DPP10: variants seen among roughly 807,000 people sequenced by gnomAD.
DPP10 encodes the protein inactive dipeptidyl peptidase 10.
A neutral mutation model predicts 120.9 loss-of-function variants in DPP10; 33 were observed. The observed-to-expected ratio is 0.27, with a 90% CI of 0.21 to 0.37. DPP10 has a LOEUF of 0.37. DPP10 is among the 10% of genes least tolerant of loss of function. The probability of loss-of-function intolerance (pLI) is 1.00; values close to 1 mark genes in which losing one functional copy is unlikely to be tolerated. For missense variants in DPP10, 816 were observed against 942.8 expected, an observed-to-expected ratio of 0.87 and a Z score of 1.76; for synonymous variants, 337 against 326.1, an observed-to-expected ratio of 1.03 and a Z score of -0.36.
intron 1 of DPP10, among the ~76,000 whole-genome samples, chr2:114,839,088 T>C (rs2106440508): frequency 6.6e-6 from 1 of 152,342 alleles, no homozygotes; most frequent in East Asian, 1.9e-4. Context: ...ATCAGCCTCA[T>C]AATTAACAGA....
At chr2:114,446,117 T>C (rs552296914) in intron 1 of DPP10, among the ~76,000 whole-genome samples, 11 of 152,330 alleles carry the variant, frequency 7.2e-5, no homozygotes, top group African/African-American at 2.6e-4. Context: ...ATTATAAACG[T>C]GATTTCTGAA....
rs376005319 is a variant in DPP10 at position 114,733,115 on chromosome 2, G to T, written c.60+290277G>T. ...AGGTCTTGACGACTGCTTGGAGGTAGGTGGTGCGAGAAGGGAGCTGGTAAG... is the reference window on the plus strand; with the variant it reads ...AGGTCTTGACGACTGCTTGGAGGTATGTGGTGCGAGAAGGGAGCTGGTAAG... On this transcript the variant is annotated intron_variant, in intron 1 of 25. Transcript: ENST00000410059. 2.6e-5 allele frequency among the ~76,000 whole-genome samples: 4 copies of T among 152,180 alleles called. No individual in the cohort carries two copies. The East Asian group carries it at 7.7e-4, about 29-fold the overall frequency.
intron 1 of DPP10, among the ~76,000 whole-genome samples, chr2:114,591,810 C>T (rs1691491914): frequency 6.6e-6 from 1 of 152,084 alleles, no homozygotes; most frequent in Non-Finnish European, 1.5e-5. Flanking sequence ...ACCTTGGCCT[C>T]CCAAAGTGCT....
chr2:115,367,934 A>C (rs1428365419), intron 3 of DPP10, among the ~76,000 whole-genome samples: 1 of 152,120 alleles, frequency 6.6e-6, no homozygotes, highest in African/African-American at 2.4e-5. Context: ...AAAACAGTTT[A>C]GGAATTAAAG....
At chr2:115,645,005 G>T (rs2087114422) in intron 5 of DPP10, among the ~76,000 whole-genome samples, 1 of 152,262 alleles carries the variant, frequency 6.6e-6, no homozygotes, top group South Asian at 2.1e-4. Context: ...GAGTAGGAAA[G>T]TCAGATTTCA....
intron 1 of DPP10, among the ~76,000 whole-genome samples, chr2:114,790,989 A>G (rs1683196342): frequency 6.6e-6 from 1 of 152,214 alleles, no homozygotes. Flanking sequence ...ACTATAGAAT[A>G]TAAGAAAAAA....
intron 1 of DPP10, among the ~76,000 whole-genome samples, chr2:115,106,399 A>C (rs1234912437): frequency 6.6e-6 from 1 of 152,192 alleles, no homozygotes; most frequent in African/African-American, 2.4e-5. Context: ...GAGGGAATAA[A>C]GTTTCTTAAA....
At chr2:114,904,566 C>T (rs116248450) in intron 1 of DPP10, among the ~76,000 whole-genome samples, 4,042 of 152,208 alleles carry the variant, frequency 0.027, 178 homozygotes, top group African/African-American at 0.093. Context: ...TCAGCCAATT[C>T]ATATTGCAAA....
chr2:115,370,130 T>C (rs1262511004), intron 3 of DPP10, among the ~76,000 whole-genome samples: 2 of 152,094 alleles, frequency 1.3e-5, no homozygotes, highest in African/African-American at 2.4e-5. Context: ...AAACATTGAA[T>C]TGCAAAAAGA....
intron 5 of DPP10, among the ~76,000 whole-genome samples, chr2:115,616,060 C>T (rs970262801): frequency 1.3e-5 from 2 of 152,068 alleles, no homozygotes; most frequent in African/African-American, 4.8e-5. Flanking sequence ...GAAAGTTACT[C>T]AGTTTGTTTA....
rs572776931 is a variant in DPP10 at position 115,681,952 on chromosome 2, G to A, written c.442-7735G>A. 4.6e-5 allele frequency among the ~76,000 whole-genome samples: 7 copies of A among 151,800 alleles called. No individual in the cohort carries two copies. In the East Asian group the frequency reaches 5.8e-4, roughly 13 times the overall value. On this transcript the variant is annotated intron_variant, in intron 5 of 25. Transcript: ENST00000410059. ...CTTGGAAATGAAATGACCACTTTTC[G>A]AAGTCATGGTTTATTCAGTTAACAA... is the stretch of plus-strand genomic sequence containing the variant.
chr2:115,617,755 AACTT>A lies in DPP10; in HGVS notation c.442-71931_442-71928del, dbSNP rs746638452. On this transcript the variant is annotated intron_variant, in intron 5 of 25. Coordinates refer to ENST00000410059, the MANE Select transcript of DPP10 (RefSeq NM_020868.6). ...TGCAAAACAAAATCACCTGAAAACT[AACTT>A]CTCAGAATGTACCCCCATCATTAAG... Among the ~76,000 whole-genome samples the A allele has an allele frequency of 3.9e-5, 6 of 152,202 alleles. No individual in the cohort carries two copies. In the East Asian group the frequency reaches 9.7e-4, roughly 25 times the overall value.
At chr2:114,466,982 C>T (rs1679441450) in intron 1 of DPP10, among the ~76,000 whole-genome samples, 1 of 147,988 alleles carries the variant, frequency 6.8e-6, no homozygotes, top group African/African-American at 2.5e-5. Context: ...GCGGAAGTCA[C>T]AGTGAGCAAG....
At chr2:115,253,273 G>T in intron 1 of DPP10, among the ~76,000 whole-genome samples, 1 of 152,136 alleles carries the variant, frequency 6.6e-6, no homozygotes, top group East Asian at 1.9e-4. Context: ...ACTAGTCTCT[G>T]CCTTCAACAC....
intron 2 of DPP10, among the ~76,000 whole-genome samples, chr2:115,341,906 T>A (rs2063466599): frequency 6.6e-6 from 1 of 152,220 alleles, no homozygotes; most frequent in Non-Finnish European, 1.5e-5. Context: ...TATAAATGTT[T>A]GTGTGTAGGT....
chr2:115,031,916 A>G (rs1198738211), intron 1 of DPP10, among the ~76,000 whole-genome samples: 8 of 152,200 alleles, frequency 5.3e-5, no homozygotes, highest in Non-Finnish European at 8.8e-5. Context: ...ATAATATACT[A>G]CGACAATAAT....
chr2:115,015,038 G>T (rs1277589406), intron 1 of DPP10, among the ~76,000 whole-genome samples: 11 of 151,984 alleles, frequency 7.2e-5, no homozygotes, highest in Admixed American at 7.2e-4. Context: ...AACTAGCAGA[G>T]AAACAACAAA....
chr2:115,370,616 A>G (rs916521266), intron 3 of DPP10, among the ~76,000 whole-genome samples: 8 of 152,176 alleles, frequency 5.3e-5, no homozygotes, highest in Non-Finnish European at 8.8e-5. Context: ...ACAAGAAGGT[A>G]CATTTAAACA....
At chr2:114,485,484 G>A (rs1681432779) in intron 1 of DPP10, among the ~76,000 whole-genome samples, 2 of 149,428 alleles carry the variant, frequency 1.3e-5, no homozygotes, top group Non-Finnish European at 3.0e-5. Flanking sequence ...TTTGCGGGGA[G>A]GGGATCTATC....
Sources: allele counts gnomAD v4.1 joint callset (sites outside exome capture counted in the v4.1 genomes callset), GRCh38; gene constraint gnomAD v4.1.1; transcripts MANE v1.5; gene names NCBI Gene and HGNC (gene_info 2026-07-23, HGNC 2026-07-21).